ROBO1: variants seen among roughly 807,000 people sequenced by gnomAD.
The protein encoded by ROBO1 is roundabout guidance receptor 1, also known as roundabout homolog 1.
A neutral mutation model predicts 195.9 loss-of-function variants in ROBO1; 149 were observed. The ratio of observed to expected loss-of-function variants is 0.76; its 90% CI spans 0.67 to 0.87. ROBO1 has a LOEUF of 0.87. Among genes scored for constraint, ROBO1 ranks in the 40% least tolerant of loss-of-function variants. The probability of loss-of-function intolerance (pLI) is 0.00; values close to 1 mark genes in which losing one functional copy is unlikely to be tolerated. For synonymous variants in ROBO1, 816 were observed against 733.2 expected (o/e 1.11, Z -1.82); for missense variants, 1,933 against 2,068.3 (o/e 0.93, Z 1.27).
intron 2 of ROBO1, among the ~76,000 whole-genome samples, chr3:79,417,776 C>T (rs2038064790): frequency 6.6e-6 from 1 of 152,142 alleles, no homozygotes; most frequent in Non-Finnish European, 1.5e-5. Flanking sequence ...GCATTCTAAT[C>T]AATCCTATAG....
chr3:78,864,028 T>G (rs2035012226), intron 4 of ROBO1, among the ~76,000 whole-genome samples: 1 of 152,234 alleles, frequency 6.6e-6, no homozygotes, highest in South Asian at 2.1e-4. Context: ...GGCCTTCAGA[T>G]AGCTTGCTTG....
intron 4 of ROBO1, among the ~76,000 whole-genome samples, chr3:78,879,040 T>C (rs1452021936): frequency 6.6e-6 from 1 of 152,224 alleles, no homozygotes; most frequent in South Asian, 2.1e-4. Flanking sequence ...TTCACTGTCT[T>C]GCTCCTGCAG....
intron 3 of ROBO1, among the ~76,000 whole-genome samples, chr3:79,075,769 T>G (rs2079162503): frequency 6.6e-6 from 1 of 151,958 alleles, no homozygotes; most frequent in Non-Finnish European, 1.5e-5. Flanking sequence ...CTCCATTGTG[T>G]TTCACTGGGC....
chr3:79,406,868 T>A (rs573576355), intron 2 of ROBO1, among the ~76,000 whole-genome samples: 1 of 152,094 alleles, frequency 6.6e-6, no homozygotes, highest in Non-Finnish European at 1.5e-5. Flanking sequence ...AGTCTTCCAA[T>A]CTGATAGGGA....
At chr3:79,643,927 C>T (rs1576168481) in intron 1 of ROBO1, among the ~76,000 whole-genome samples, 2 of 152,066 alleles carry the variant, frequency 1.3e-5, no homozygotes, top group Non-Finnish European at 2.9e-5. Flanking sequence ...GAAGAAACAA[C>T]ACGCAAGTTT....
chr3:79,371,718 TC>T (rs2036201085), intron 2 of ROBO1, among the ~76,000 whole-genome samples: 1 of 152,156 alleles, frequency 6.6e-6, no homozygotes, highest in Admixed American at 6.5e-5. Context: ...AATATTTGTG[TC>T]CCCTGAATTT....
chr3:79,393,435 A>C (rs2106725373), intron 2 of ROBO1, among the ~76,000 whole-genome samples: 1 of 152,348 alleles, frequency 6.6e-6, no homozygotes, highest in South Asian at 2.1e-4. Flanking sequence ...TAGACTATAA[A>C]TTAATCTGTG....
chr3:78,716,819 C>T (rs1418223846), intron 7 of ROBO1, among the ~76,000 whole-genome samples: 1 of 152,054 alleles, frequency 6.6e-6, no homozygotes, highest in Non-Finnish European at 1.5e-5. Flanking sequence ...TGCTCCTGGC[C>T]AATTTAAGGA....
intron 2 of ROBO1, among the ~76,000 whole-genome samples, chr3:79,369,144 C>G (rs2036091493): frequency 6.6e-6 from 1 of 152,094 alleles, no homozygotes; most frequent in South Asian, 2.1e-4. Flanking sequence ...TATACATCAT[C>G]AAAATGAACA....
intron 4 of ROBO1, among the ~76,000 whole-genome samples, chr3:78,854,253 AAT>A (rs957090272): frequency 9.5e-5 from 14 of 148,098 alleles, no homozygotes; most frequent in Non-Finnish European, 1.6e-4. Context: ...ACATATATAT[AAT>A]ATATATATTA....
At chr3:79,024,641 G>A (rs575355311) in intron 3 of ROBO1, among the ~76,000 whole-genome samples, 1 of 152,274 alleles carries the variant, frequency 6.6e-6, no homozygotes, top group Admixed American at 6.5e-5. Flanking sequence ...CTTTTAATAT[G>A]CAGATGAGCA....
chr3:79,639,232 C>T (rs902481264), intron 1 of ROBO1, among the ~76,000 whole-genome samples: 1 of 152,116 alleles, frequency 6.6e-6, no homozygotes, highest in Non-Finnish European at 1.5e-5. Flanking sequence ...AGAGATATCA[C>T]AGCTAAATTT....
chr3:78,649,405 G>A (rs1575840254), intron 19 of ROBO1, among the ~76,000 whole-genome samples: 1 of 151,964 alleles, frequency 6.6e-6, no homozygotes, highest in Non-Finnish European at 1.5e-5. Context: ...TAAGTGATGC[G>A]GGTGCAATAT....
chr3:79,282,915 A>G lies in ROBO1; in HGVS notation c.89-157376T>C, dbSNP rs541932205. On this transcript the variant is annotated intron_variant, in intron 2 of 30. Transcript: ENST00000464233. ...CTAATAAATAAAATGCCAAAAATAT[A>G]CCATACACATCTAACACATTTCAGG... is the stretch of plus-strand genomic sequence containing the variant. 2.7e-3 allele frequency among the ~76,000 whole-genome samples: 408 copies of G among 152,318 alleles called. 2 individuals carry two copies. Among genetic ancestry groups the G allele is most frequent in the African/African-American group, 9.5e-3 (394 of 41,576 alleles).
chr3:79,135,658 A>G (rs2108597495), intron 2 of ROBO1, among the ~76,000 whole-genome samples: 1 of 149,856 alleles, frequency 6.7e-6, no homozygotes, highest in East Asian at 2.0e-4. Flanking sequence ...TTTTTTTGAG[A>G]CGGAGTTTCA....
chr3:79,605,969 G>C (rs1944467896), intron 1 of ROBO1, among the ~76,000 whole-genome samples: 1 of 146,858 alleles, frequency 6.8e-6, no homozygotes, highest in Non-Finnish European at 1.5e-5. Flanking sequence ...TACAGATTTG[G>C]AAGTTTACAT....
At chr3:79,693,767 CTAAGA>C (rs1947364359) in intron 1 of ROBO1, among the ~76,000 whole-genome samples, 1 of 151,494 alleles carries the variant, frequency 6.6e-6, no homozygotes, top group Non-Finnish European at 1.5e-5. Context: ...GGACACAAAT[CTAAGA>C]TAAATAACTT....
chr3:79,212,808 A>C (rs1445180223), intron 2 of ROBO1, among the ~76,000 whole-genome samples: 1 of 151,826 alleles, frequency 6.6e-6, no homozygotes, highest in Non-Finnish European at 1.5e-5. Context: ...CATCAGAGTA[A>C]GACTCTGTCT....
chr3:79,341,927 T>C (rs1307799670), intron 2 of ROBO1, among the ~76,000 whole-genome samples: 1 of 152,178 alleles, frequency 6.6e-6, no homozygotes, highest in Non-Finnish European at 1.5e-5. Flanking sequence ...AATGAGTAAG[T>C]GGAAAATTTT....
Sources: gnomAD v4.1 joint callset for allele counts (sites outside exome capture counted in the v4.1 genomes callset) on GRCh38, gnomAD v4.1.1 for gene constraint, MANE v1.5 for transcripts, NCBI Gene and HGNC (gene_info 2026-07-23, HGNC 2026-07-21) for gene names.